Variants in FAXDC2 observed in about 807,000 individuals in gnomAD.
FAXDC2 encodes fatty acid hydroxylase domain-containing protein 2.
In FAXDC2, 41 loss-of-function variants were observed where a neutral mutation model predicts 40.9. That is an observed-to-expected ratio of 1.00 (90% CI 0.78 to 1.30). FAXDC2 has a LOEUF of 1.30. Among genes scored for constraint, FAXDC2 ranks in the 50% most tolerant of loss-of-function variants. The pLI is 0.00. For synonymous variants in FAXDC2, 157 were observed against 149.3 expected (o/e 1.05, Z -0.38); for missense variants, 390 against 408.8 (o/e 0.95, Z 0.40).
intron 4 of FAXDC2, 36 bp downstream of exon 4, chr5:154,834,589 C>A: frequency 7.4e-7 from 1 of 1,352,520 alleles, no homozygotes; most frequent in Non-Finnish European, 1.1e-6. Flanking sequence ...TAATCATGCA[C>A]CCACATGCTA....
chr5:154,841,739 C>CTTT (rs796908969), intron 1 of FAXDC2, among the ~76,000 whole-genome samples: 1 of 139,354 alleles, frequency 7.2e-6, no homozygotes, highest in African/African-American at 2.6e-5. Flanking sequence ...AAGTCATATT[C>CTTT]TTTTTTTTTT....
intron 1 of FAXDC2, among the ~76,000 whole-genome samples, chr5:154,847,908 T>C (rs990941115): frequency 1.8e-4 from 28 of 151,914 alleles, no homozygotes; most frequent in South Asian, 6.2e-4. Context: ...GGCGCGATCT[T>C]GGCTCACTGC....
intron 1 of FAXDC2, among the ~76,000 whole-genome samples, chr5:154,839,657 GAAAA>G (rs949507499): frequency 7.0e-6 from 1 of 142,032 alleles, no homozygotes. Flanking sequence ...AAAAAAGAAA[GAAAA>G]AAAAAAGAAC....
chr5:154,830,713 T>C (rs1262619673), intron 5 of FAXDC2, 88 bp downstream of exon 5: 2 of 1,497,472 alleles, frequency 1.3e-6, no homozygotes, highest in East Asian at 2.3e-5. Context: ...ACTGGCCAGG[T>C]CTCTCCTGGG....
At chr5:154,820,633 A>C in intron 8 of FAXDC2, 161 bp from the exon 9 acceptor site, 1 of 561,910 alleles carries the variant, frequency 1.8e-6, no homozygotes, top group East Asian at 3.4e-5. Context: ...GTTGCTACCA[A>C]TGCATCTCCC....
intron 1 of FAXDC2, among the ~76,000 whole-genome samples, chr5:154,848,049 C>T (rs139809712): frequency 0.025 from 3,826 of 152,176 alleles, 62 homozygotes; most frequent in Non-Finnish European, 0.037. Flanking sequence ...CCATGTTAGC[C>T]AGGATGGTCT....
chr5:154,826,526 CTA>C, intron 5 of FAXDC2, among the ~76,000 whole-genome samples: 1 of 125,288 alleles, frequency 8.0e-6, no homozygotes, highest in Admixed American at 8.8e-5. Flanking sequence ...AAGACTGTCT[CTA>C]AAAAAAAAAA....
At position 154,821,429 on chromosome 5, in the gene FAXDC2, G is replaced by A; in HGVS notation, c.679-3C>T. The stretch of plus-strand genomic sequence containing the variant: ...ATCACCGGTAGCATGTTGGAGACCT[G>A]CAAGAGGAGGGATGATTGAAGGCAG... On this transcript the variant is annotated splice_region_variant and splice_polypyrimidine_tract_variant and intron_variant, in intron 7 of 8. Transcript: ENST00000326080. 5 of 1,609,984 alleles carry A rather than the reference G, an allele frequency of 3.1e-6. No individual in the cohort carries two copies. Among genetic ancestry groups the A allele is most frequent in the Non-Finnish European group, 4.2e-6 (5 of 1,178,238 alleles).
intron 2 of FAXDC2, among the ~76,000 whole-genome samples, chr5:154,837,731 G>A (rs897003846): frequency 5.9e-5 from 9 of 152,110 alleles, no homozygotes; most frequent in African/African-American, 2.2e-4. Flanking sequence ...GCAGGAAAAC[G>A]CAGTGCAGGA....
At chr5:154,830,770 T>C in intron 5 of FAXDC2, 31 bp downstream of exon 5, 1 of 1,607,520 alleles carries the variant, frequency 6.2e-7, no homozygotes, top group Middle Eastern at 1.7e-4. Context: ...TTGCTTTCTG[T>C]GCTTTGACCA....
chr5:154,825,599 C>G (rs557467020), intron 5 of FAXDC2, among the ~76,000 whole-genome samples: 1 of 136,138 alleles, frequency 7.3e-6, no homozygotes, highest in Non-Finnish European at 1.5e-5. Context: ...TGCAGTGAGC[C>G]GAGATTGCTC....
intron 2 of FAXDC2, 80 bp downstream of exon 2, chr5:154,838,051 G>T: frequency 1.1e-6 from 1 of 908,920 alleles, no homozygotes; most frequent in South Asian, 1.4e-5. Context: ...GGGAGATGTT[G>T]GATGCATAGC....
At chr5:154,835,056 T>A in intron 2 of FAXDC2, 122 bp from the exon 3 acceptor site, 2 of 666,024 alleles carry the variant, frequency 3.0e-6, no homozygotes, top group South Asian at 3.6e-5. Context: ...AAGGCACATC[T>A]GCGTTTTCCA....
chr5:154,821,569 G>T (rs529900694), intron 7 of FAXDC2, 143 bp from the exon 8 acceptor site: 4 of 601,732 alleles, frequency 6.6e-6, no homozygotes, highest in Non-Finnish European at 8.6e-6. Context: ...ACTTTGATTT[G>T]TTGAAGGCAT....
chr5:154,833,785 A>G (rs1760252646), intron 4 of FAXDC2, among the ~76,000 whole-genome samples: 1 of 151,830 alleles, frequency 6.6e-6, no homozygotes, highest in Non-Finnish European at 1.5e-5. Flanking sequence ...TCCCTGCCTC[A>G]GCCTCCCAAG....
chr5:154,847,366 A>G (rs1338958160), intron 1 of FAXDC2, among the ~76,000 whole-genome samples: 1 of 152,218 alleles, frequency 6.6e-6, no homozygotes, highest in Non-Finnish European at 1.5e-5. Context: ...TTACAACTTC[A>G]AGAATCTGAG....
At chr5:154,830,968 C>T (rs1409605986) in intron 4 of FAXDC2, 46 bp from the exon 5 acceptor site, 3 of 1,608,756 alleles carry the variant, frequency 1.9e-6, no homozygotes, top group Non-Finnish European at 8.5e-7. Context: ...TGGGTTCTCA[C>T]AGCACATAGA....
chr5:154,837,742 G>C (rs1760386953), intron 2 of FAXDC2, among the ~76,000 whole-genome samples: 2 of 152,190 alleles, frequency 1.3e-5, no homozygotes, highest in South Asian at 4.1e-4. Flanking sequence ...CAGTGCAGGA[G>C]TTAGCTGGGG....
intron 5 of FAXDC2, chr5:154,830,443 C>G (rs1398597856): frequency 1.5e-5 from 3 of 199,760 alleles, no homozygotes; most frequent in Non-Finnish European, 3.2e-5. Context: ...ATAACAACAG[C>G]TGTTACCCAT....
Sources: allele counts gnomAD v4.1 joint callset (sites outside exome capture counted in the v4.1 genomes callset), GRCh38; gene constraint gnomAD v4.1.1; transcripts MANE v1.5; gene names NCBI Gene and HGNC (gene_info 2026-07-23, HGNC 2026-07-21).